Variants in CLASP1 observed in about 807,000 individuals in gnomAD.
CLASP1 encodes cytoplasmic linker associated protein 1, also known as CLIP-associating protein 1.
Under a neutral mutation model 192.3 loss-of-function variants are expected in CLASP1, and 38 were observed. The observed-to-expected ratio is 0.20, with a 90% CI of 0.15 to 0.26. The LOEUF is 0.26. Among genes scored for constraint, CLASP1 ranks in the 10% least tolerant of loss-of-function variants. The pLI, the probability that CLASP1 is intolerant of heterozygous loss-of-function variation, is 1.00. For missense variants in CLASP1, 1,433 were observed against 1,932.5 expected (o/e 0.74, Z 4.85); for synonymous variants, 691 against 712.8 (o/e 0.97, Z 0.49).
At chr2:121,388,858 C>T (rs2073828873) in intron 30 of CLASP1, among the ~76,000 whole-genome samples, 3 of 152,142 alleles carry the variant, frequency 2.0e-5, no homozygotes, top group Non-Finnish European at 4.4e-5. Flanking sequence ...ACTTTACAAA[C>T]ATAAAGTCCT....
At chr2:121,516,885 C>T (rs1454269424) in intron 6 of CLASP1, among the ~76,000 whole-genome samples, 1 of 152,076 alleles carries the variant, frequency 6.6e-6, no homozygotes, top group Non-Finnish European at 1.5e-5. Context: ...AAAAATTAGC[C>T]GGGCGTGGTG....
At chr2:121,527,679 G>A (rs2094607861) in intron 5 of CLASP1, 120 bp downstream of exon 5, 1 of 714,596 alleles carries the variant, frequency 1.4e-6, no homozygotes, top group African/African-American at 1.8e-5. Flanking sequence ...GGTGGGTAAA[G>A]GGGGCATGAG....
intron 2 of CLASP1, among the ~76,000 whole-genome samples, chr2:121,553,285 C>T (rs1441953333): frequency 6.6e-6 from 1 of 152,092 alleles, no homozygotes; most frequent in African/African-American, 2.4e-5. Context: ...TACAACAAAC[C>T]CCTGTGACAT....
At chr2:121,539,870 T>C (rs1475805328) in intron 2 of CLASP1, among the ~76,000 whole-genome samples, 1 of 152,136 alleles carries the variant, frequency 6.6e-6, no homozygotes, top group Non-Finnish European at 1.5e-5. Context: ...GTTGTTCAAT[T>C]TCTACTAGTC....
intron 1 of CLASP1, among the ~76,000 whole-genome samples, chr2:121,608,931 C>T (rs1000405669): frequency 2.0e-5 from 3 of 152,240 alleles, no homozygotes; most frequent in Admixed American, 6.5e-5. Flanking sequence ...TCTGTGCTTA[C>T]GTAATACTGA....
At chr2:121,638,308 A>C (rs2071295556) in intron 1 of CLASP1, among the ~76,000 whole-genome samples, 1 of 152,294 alleles carries the variant, frequency 6.6e-6, no homozygotes, top group South Asian at 2.1e-4. Context: ...AAATTAAAAA[A>C]AAACACAGAA....
chr2:121,607,546 T>C (rs1439330188), intron 1 of CLASP1, among the ~76,000 whole-genome samples: 4 of 152,166 alleles, frequency 2.6e-5, no homozygotes, highest in Non-Finnish European at 1.5e-5. Flanking sequence ...CGTTAACCTA[T>C]AGCTGCTGGA....
intron 23 of CLASP1, among the ~76,000 whole-genome samples, chr2:121,414,596 T>A (rs1257313289): frequency 2.0e-5 from 3 of 152,126 alleles, no homozygotes; most frequent in African/African-American, 7.2e-5. Context: ...TAAGACGGAT[T>A]GTTAGCTCAC....
At chr2:121,436,188 C>T (rs1328924390) in intron 19 of CLASP1, among the ~76,000 whole-genome samples, 3 of 151,978 alleles carry the variant, frequency 2.0e-5, no homozygotes, top group South Asian at 2.1e-4. Flanking sequence ...TGTACCACCA[C>T]GCCTGGCTAG....
intron 20 of CLASP1, 69 bp from the exon 21 acceptor site, chr2:121,427,499 G>A (rs372979058): frequency 2.7e-5 from 41 of 1,520,810 alleles, no homozygotes; most frequent in Non-Finnish European, 3.4e-5. Flanking sequence ...AATACAGAAG[G>A]TCAGCATGCA....
At chr2:121,513,859 C>T (rs914587733) in intron 7 of CLASP1, among the ~76,000 whole-genome samples, 1 of 152,194 alleles carries the variant, frequency 6.6e-6, no homozygotes, top group Non-Finnish European at 1.5e-5. Context: ...TTCCTGGGGG[C>T]TGGTCATGTA....
At position 121,397,297 on chromosome 2, in the gene CLASP1, T is replaced by C. The variant is rs776726839; in HGVS notation, c.2980-14A>G. The C allele has an allele frequency of 6.2e-7, 1 of 1,610,274 alleles. No individual in the cohort carries two copies. The highest frequency in any genetic ancestry group is 2.2e-5 in the East Asian group (1 of 44,836). ...TGCAACTTTGACCTGAAAGAACCAA[T>C]AATTATAAACATTAAGTACACTTGA... is the stretch of plus-strand genomic sequence containing the variant. On this transcript the variant is annotated splice_polypyrimidine_tract_variant and intron_variant, in intron 29 of 39. Coordinates refer to ENST00000263710, the Ensembl canonical transcript of CLASP1.
intron 2 of CLASP1, among the ~76,000 whole-genome samples, chr2:121,586,826 T>C (rs910200338): frequency 1.3e-4 from 20 of 152,308 alleles, no homozygotes; most frequent in Non-Finnish European, 2.2e-4. Context: ...CAGTATGTAC[T>C]GTGAAGCGCA....
chr2:121,408,920 C>A, intron 24 of CLASP1: 1 of 875,436 alleles, frequency 1.1e-6, no homozygotes, highest in Non-Finnish European at 1.8e-6. Context: ...ATATTTCAGA[C>A]CAGAATTTCT....
intron 19 of CLASP1, among the ~76,000 whole-genome samples, chr2:121,444,265 C>T (rs2083910662): frequency 6.6e-6 from 1 of 151,996 alleles, no homozygotes; most frequent in African/African-American, 2.4e-5. Context: ...TTTCTTACAG[C>T]ATTACTATAT....
At position 121,479,975 on chromosome 2, in the gene CLASP1, C is replaced by A. The variant is rs1289245016; in HGVS notation, c.713-10015G>T. Among the ~76,000 whole-genome samples, 3 of 152,256 alleles carry A rather than the reference C, an allele frequency of 2.0e-5. No individual in the cohort carries two copies. In the East Asian group the frequency reaches 5.8e-4, roughly 29 times the overall value. On this transcript the variant is annotated intron_variant, in intron 8 of 39. Coordinates refer to ENST00000263710, the Ensembl canonical transcript of CLASP1. The stretch of plus-strand genomic sequence containing the variant: ...GAGTGCTACTTCTGCCCTTTGGCAC[C>A]AGTAATCCATCCTCTACCACAGAAG...
chr2:121,399,857 C>T (rs1032107541), intron 28 of CLASP1, among the ~76,000 whole-genome samples: 1 of 152,176 alleles, frequency 6.6e-6, no homozygotes, highest in Non-Finnish European at 1.5e-5. Flanking sequence ...ACCTACAGGC[C>T]AAGTCTGGCT....
chr2:121,619,992 T>C (rs1045536883), intron 1 of CLASP1, among the ~76,000 whole-genome samples: 5 of 151,990 alleles, frequency 3.3e-5, no homozygotes, highest in African/African-American at 1.2e-4. Context: ...GAGGCCCAGG[T>C]GGGTGGATCA....
chr2:121,537,863 G>A (rs745685868), intron 2 of CLASP1, among the ~76,000 whole-genome samples: 4 of 152,042 alleles, frequency 2.6e-5, no homozygotes, highest in Admixed American at 6.6e-5. Flanking sequence ...GTTAATCACC[G>A]CAAAAGATAC....
Sources: allele counts gnomAD v4.1 joint callset (sites outside exome capture counted in the v4.1 genomes callset), GRCh38; gene constraint gnomAD v4.1.1; transcripts MANE v1.5; gene names NCBI Gene and HGNC (gene_info 2026-07-23, HGNC 2026-07-21).